The following RGS7 variants were observed in gnomAD, a reference collection of about 807,000 sequenced individuals.
RGS7 encodes regulator of G-protein signaling 7.
RGS7 carries 27 observed loss-of-function variants against 81.1 expected under a neutral mutation model. The observed-to-expected ratio is 0.33, with a 90% confidence interval of 0.25 to 0.46. The LOEUF (loss-of-function observed/expected upper bound fraction) is 0.46, where lower values mean the gene tolerates loss of function less well. Ranked by LOEUF, RGS7 falls within the 20% of genes least tolerant of loss-of-function variation. The pLI is 1.00. For synonymous variants in RGS7, 208 were observed against 207.7 expected, an observed-to-expected ratio of 1.00 and a Z score of -0.01; for missense variants, 396 against 607.4, an observed-to-expected ratio of 0.65 and a Z score of 3.66.
intron 2 of RGS7, among the ~76,000 whole-genome samples, chr1:241,203,421 C>T (rs564281412): frequency 2.0e-5 from 3 of 151,988 alleles, no homozygotes; most frequent in South Asian, 2.1e-4. Context: ...TTAGTAGAGA[C>T]GGGTTTCACT....
At chr1:240,925,698 C>A (rs1352984327) in intron 6 of RGS7, among the ~76,000 whole-genome samples, 1 of 152,158 alleles carries the variant, frequency 6.6e-6, no homozygotes, top group Non-Finnish European at 1.5e-5. Context: ...TGAGAAATCT[C>A]CAGACAACTT....
intron 6 of RGS7, among the ~76,000 whole-genome samples, chr1:240,927,912 CAT>C (rs1180369663): frequency 6.6e-6 from 1 of 152,134 alleles, no homozygotes; most frequent in Non-Finnish European, 1.5e-5. Flanking sequence ...TGGATGGTAA[CAT>C]GTGTGGGAAC....
At chr1:240,840,475 A>G (rs1657733708) in intron 9 of RGS7, among the ~76,000 whole-genome samples, 1 of 152,136 alleles carries the variant, frequency 6.6e-6, no homozygotes, top group African/African-American at 2.4e-5. Context: ...GGGTTTCACC[A>G]TGTTGGCCAG....
chr1:240,922,432 A>T (rs1673720270), intron 6 of RGS7, among the ~76,000 whole-genome samples: 1 of 152,076 alleles, frequency 6.6e-6, no homozygotes, highest in African/African-American at 2.4e-5. Flanking sequence ...ACACTGAAAG[A>T]CAAACTACAG....
intron 2 of RGS7, among the ~76,000 whole-genome samples, chr1:241,099,039 A>G (rs140677866): frequency 0.01 from 1,523 of 152,280 alleles, 36 homozygotes; most frequent in African/African-American, 0.035. Context: ...CTTGGTTATA[A>G]AGGTTAAGAT....
intron 18 of RGS7, among the ~76,000 whole-genome samples, chr1:240,780,013 T>C (rs1683691711): frequency 6.6e-6 from 1 of 152,160 alleles, no homozygotes; most frequent in Non-Finnish European, 1.5e-5. Context: ...GCTAATCAAA[T>C]GATGTTGAAA....
intron 2 of RGS7, among the ~76,000 whole-genome samples, chr1:241,346,518 A>G (rs192620306): frequency 4.3e-4 from 66 of 152,280 alleles, no homozygotes; most frequent in African/African-American, 1.5e-3. Context: ...TTCATTCACT[A>G]TTTTATTCAT....
At chr1:241,028,308 TTA>T (rs1384955679) in intron 3 of RGS7, among the ~76,000 whole-genome samples, 1 of 152,206 alleles carries the variant, frequency 6.6e-6, no homozygotes, top group Non-Finnish European at 1.5e-5. Flanking sequence ...TGAATTGAAT[TTA>T]CCTGACAGTG....
At chr1:241,221,022 G>GAAGAAAGAAAGAGAGAGAGA (rs2074934439) in intron 2 of RGS7, among the ~76,000 whole-genome samples, 1 of 104,546 alleles carries the variant, frequency 9.6e-6, no homozygotes, top group African/African-American at 3.3e-5. Context: ...AGGAAGGAAG[G>GAAGAAAGAAAGAGAGAGAGA]AAGGAAGGAA....
At chr1:240,970,918 G>T (rs904321135) in intron 4 of RGS7, among the ~76,000 whole-genome samples, 1 of 152,196 alleles carries the variant, frequency 6.6e-6, no homozygotes, top group Non-Finnish European at 1.5e-5. Flanking sequence ...GGCAGAGGTT[G>T]CAGTGAGCTG....
rs147137835 is a variant in RGS7 at position 241,016,923 on chromosome 1, C to A, written c.176-33794G>T. On this transcript the variant is annotated intron_variant, in intron 3 of 18. Coordinates refer to ENST00000440928, the MANE Select transcript of RGS7 (RefSeq NM_001364886.1). ...CATTTTCCTCTTCTTTTACTGCCTT[C>A]CATTGATTTACCTGAGCATTTTATA... 6.8e-4 allele frequency among the ~76,000 whole-genome samples: 103 copies of A among 152,252 alleles called. 1 individual carries two copies. The highest frequency in any genetic ancestry group is 2.4e-3 in the African/African-American group (98 of 41,562).
At chr1:241,337,389 G>A (rs557148587) in intron 2 of RGS7, among the ~76,000 whole-genome samples, 1 of 152,024 alleles carries the variant, frequency 6.6e-6, no homozygotes, top group Non-Finnish European at 1.5e-5. Context: ...GCTGTAGCAA[G>A]AATTAGACCC....
chr1:241,341,683 C>T (rs2082557838), intron 2 of RGS7, among the ~76,000 whole-genome samples: 3 of 151,932 alleles, frequency 2.0e-5, no homozygotes, highest in Admixed American at 2.0e-4. Context: ...TGTGCCAGGC[C>T]CTGTACTAAG....
intron 2 of RGS7, among the ~76,000 whole-genome samples, chr1:241,305,146 C>T (rs901939536): frequency 6.6e-6 from 1 of 152,318 alleles, no homozygotes; most frequent in South Asian, 2.1e-4. Context: ...CTTTCACTGG[C>T]TAATTTCCGT....
intron 3 of RGS7, among the ~76,000 whole-genome samples, chr1:240,993,746 A>C (rs763404238): frequency 2.0e-5 from 3 of 152,028 alleles, no homozygotes; most frequent in Non-Finnish European, 4.4e-5. Context: ...TATAGATTAT[A>C]GTATTAAATC....
At chr1:240,973,619 T>G (rs1217745504) in intron 4 of RGS7, among the ~76,000 whole-genome samples, 1 of 152,078 alleles carries the variant, frequency 6.6e-6, no homozygotes, top group Non-Finnish European at 1.5e-5. Flanking sequence ...AGATGGAGTC[T>G]CGCTCTGTTG....
intron 2 of RGS7, among the ~76,000 whole-genome samples, chr1:241,161,512 TAAC>T (rs1019068261): frequency 6.1e-5 from 9 of 148,204 alleles, no homozygotes; most frequent in Non-Finnish European, 8.9e-5. Flanking sequence ...TTATAACTAA[TAAC>T]TAATAATAAC....
At chr1:240,952,565 T>G (rs895917427) in intron 4 of RGS7, among the ~76,000 whole-genome samples, 11 of 151,730 alleles carry the variant, frequency 7.2e-5, no homozygotes, top group Middle Eastern at 3.4e-3. Flanking sequence ...AAAACCAGAG[T>G]TGGCTGAAAA....
chr1:241,114,568 G>A (rs2065765123), intron 2 of RGS7, among the ~76,000 whole-genome samples: 1 of 152,052 alleles, frequency 6.6e-6, no homozygotes, highest in South Asian at 2.1e-4. Context: ...CCAGAATTAT[G>A]TCTTTTATAG....
Sources: allele counts gnomAD v4.1 joint callset (sites outside exome capture counted in the v4.1 genomes callset), GRCh38; gene constraint gnomAD v4.1.1; transcripts MANE v1.5; gene names NCBI Gene and HGNC (gene_info 2026-07-23, HGNC 2026-07-21).